The following MAP7 variants were observed in gnomAD, a reference collection of about 807,000 sequenced individuals.
MAP7 encodes the protein microtubule associated protein 7.
In MAP7, 52 loss-of-function variants were observed where a neutral mutation model predicts 94.8. The ratio of observed to expected loss-of-function variants is 0.55; its 90% CI spans 0.44 to 0.69. The LOEUF (loss-of-function observed/expected upper bound fraction) is 0.69. MAP7 is among the 30% of genes least tolerant of loss of function. The pLI is 0.00. For missense variants in MAP7, 940 were observed against 964.6 expected (o/e 0.97, Z 0.34); for synonymous variants, 350 against 357.0 (o/e 0.98, Z 0.22).
At chr6:136,502,544 G>A (rs887365344) in intron 1 of MAP7, among the ~76,000 whole-genome samples, 3 of 152,168 alleles carry the variant, frequency 2.0e-5, no homozygotes, top group South Asian at 2.1e-4. Flanking sequence ...ACAGAGCACC[G>A]GCAGGAAGAT....
At chr6:136,467,964 G>A (rs1243484832) in intron 1 of MAP7, among the ~76,000 whole-genome samples, 1 of 152,188 alleles carries the variant, frequency 6.6e-6, no homozygotes, top group Non-Finnish European at 1.5e-5. Context: ...TGAGGGTCAA[G>A]TGTGGGCACT....
intron 1 of MAP7, among the ~76,000 whole-genome samples, chr6:136,508,895 CAGTA>C (rs1180788225): frequency 2.6e-5 from 4 of 152,174 alleles, no homozygotes; most frequent in Non-Finnish European, 5.9e-5. Flanking sequence ...ATGATTATGA[CAGTA>C]AGTGTCAGAA....
chr6:136,438,404 T>C (rs996756098), intron 1 of MAP7, among the ~76,000 whole-genome samples: 1 of 152,230 alleles, frequency 6.6e-6, no homozygotes, highest in African/African-American at 2.4e-5. Context: ...TTGGTTTTCA[T>C]TCATCATGCT....
chr6:136,520,798 G>C (rs1414574649), intron 1 of MAP7, among the ~76,000 whole-genome samples: 2 of 152,208 alleles, frequency 1.3e-5, no homozygotes, highest in Non-Finnish European at 2.9e-5. Context: ...GCATGAGTAG[G>C]ACACAGAGGC....
chr6:136,424,327 T>TAA (rs5880295), intron 1 of MAP7, among the ~76,000 whole-genome samples: 1 of 143,648 alleles, frequency 7.0e-6, no homozygotes, highest in Non-Finnish European at 1.5e-5. Flanking sequence ...TTCTTTCATT[T>TAA]AAAAAAAAAA....
chr6:136,474,011 G>T (rs534385072), intron 1 of MAP7, among the ~76,000 whole-genome samples: 1 of 151,974 alleles, frequency 6.6e-6, no homozygotes, highest in Non-Finnish European at 1.5e-5. Context: ...GGTGGTCAGG[G>T]AGGGCCTCTC....
intron 1 of MAP7, among the ~76,000 whole-genome samples, chr6:136,464,692 TTTTG>T (rs1241749300): frequency 2.0e-5 from 3 of 152,188 alleles, no homozygotes; most frequent in Non-Finnish European, 4.4e-5. Flanking sequence ...TTTTTGGTCA[TTTTG>T]TTTGTCTTTT....
At chr6:136,345,809 G>A (rs759928105) in intron 17 of MAP7, 47 bp downstream of exon 17, 22 of 1,445,522 alleles carry the variant, frequency 1.5e-5, no homozygotes, top group East Asian at 4.5e-5. Flanking sequence ...CCTCCTGGGT[G>A]TCAGATATTT....
intron 1 of MAP7, among the ~76,000 whole-genome samples, chr6:136,545,799 T>C (rs1436455002): frequency 1.3e-5 from 2 of 152,156 alleles, no homozygotes; most frequent in African/African-American, 2.4e-5. Context: ...AGTAGGTATA[T>C]ATATTTATAT....
intron 1 of MAP7, among the ~76,000 whole-genome samples, chr6:136,491,602 A>T (rs1401427551): frequency 6.6e-6 from 1 of 152,248 alleles, no homozygotes; most frequent in Non-Finnish European, 1.5e-5. Flanking sequence ...ACTGAAGAAT[A>T]AAACATAATA....
At chr6:136,514,476 C>T (rs1223599263) in intron 1 of MAP7, among the ~76,000 whole-genome samples, 1 of 144,790 alleles carries the variant, frequency 6.9e-6, no homozygotes, top group African/African-American at 2.6e-5. Context: ...ATCCCAGCTT[C>T]TTGGGAGGCT....
At chr6:136,354,124 T>A (rs955561221) in intron 16 of MAP7, among the ~76,000 whole-genome samples, 2 of 6,624 alleles carry the variant, frequency 3.0e-4, no homozygotes, top group Non-Finnish European at 4.3e-4. Flanking sequence ...ATATATATAT[T>A]ATATATATAA....
chr6:136,518,499 G>C (rs746576187), intron 1 of MAP7, among the ~76,000 whole-genome samples: 8 of 152,104 alleles, frequency 5.3e-5, no homozygotes, highest in Non-Finnish European at 1.2e-4. Context: ...TCTGGGTCTG[G>C]GGTATAATGG....
chr6:136,361,637 G>A (rs974585250), intron 11 of MAP7, among the ~76,000 whole-genome samples: 1 of 152,200 alleles, frequency 6.6e-6, no homozygotes, highest in Non-Finnish European at 1.5e-5. Flanking sequence ...CCAAGATGGC[G>A]GTCCAGCGAG....
At chr6:136,423,082 A>G (rs1390292617) in intron 1 of MAP7, among the ~76,000 whole-genome samples, 2 of 152,220 alleles carry the variant, frequency 1.3e-5, no homozygotes. Context: ...AAAATCTACC[A>G]TAAGACTTGG....
Position 136,360,880 on chromosome 6 carries a change from G to A in MAP7, c.1702-82C>T, listed in dbSNP as rs564258371. The A allele has an allele frequency of 8.8e-4, 1,368 of 1,561,172 alleles. 7 individuals carry two copies. In the African/African-American group the frequency reaches 0.011, roughly 13 times the overall value. ...CCAGGGGGTGCCCAGAGGTGGGGGC[G>A]AGGTGGCGGATGGAGAAGGTGTGGA... is the stretch of plus-strand genomic sequence containing the variant. On this transcript the variant is annotated intron_variant, in intron 12 of 17. Coordinates refer to ENST00000354570, the MANE Select transcript of MAP7 (RefSeq NM_003980.6).
At chr6:136,419,319 T>A (rs929253501) in intron 2 of MAP7, among the ~76,000 whole-genome samples, 1 of 152,214 alleles carries the variant, frequency 6.6e-6, no homozygotes, top group African/African-American at 2.4e-5. Context: ...TGGTAGAAAT[T>A]AGAAGCAGTG....
In MAP7 at chr6:136,438,378, C is replaced by A. The variant is rs528119145; in HGVS notation, c.68-16579G>T. Among the ~76,000 whole-genome samples the A allele has an allele frequency of 2.6e-5, 4 of 152,276 alleles. No individual in the cohort carries two copies. The South Asian group carries it at 8.3e-4, about 32-fold the overall frequency. ...GAAAGGGTCTGAATCTAACCTGGTTCGACTCCAGAATTTGCTTGGTTTTCA... is the reference window on the plus strand; with the variant it reads ...GAAAGGGTCTGAATCTAACCTGGTTAGACTCCAGAATTTGCTTGGTTTTCA... On this transcript the variant is annotated intron_variant, in intron 1 of 17. Coordinates refer to ENST00000354570, the MANE Select transcript of MAP7 (RefSeq NM_003980.6).
rs1171623380 is a variant in MAP7, at chr6:136,461,186, A to ATG, written c.68-39389_68-39388dup. On this transcript the variant is annotated intron_variant, in intron 1 of 17. Transcript: ENST00000354570. ...TTTATAACTAAGAGAATTCTCACTT[A>ATG]TGTATAGCTACAATTCATGTAAAGA... 3.9e-5 allele frequency among the ~76,000 whole-genome samples: 6 copies of ATG among 152,220 alleles called. 1 individual carries two copies. The highest frequency in any genetic ancestry group is 1.4e-4 in the African/African-American group (6 of 41,468).
Sources: allele counts gnomAD v4.1 joint callset (sites outside exome capture counted in the v4.1 genomes callset), GRCh38; gene constraint gnomAD v4.1.1; transcripts MANE v1.5; gene names NCBI Gene and HGNC (gene_info 2026-07-23, HGNC 2026-07-21).